The following ARPC2 variants were observed in gnomAD, a reference collection of about 807,000 sequenced individuals.
ARPC2 encodes actin related protein 2/3 complex subunit 2.
In ARPC2, 4 loss-of-function variants were observed where a neutral mutation model predicts 38.6. The observed-to-expected ratio is 0.10, with a 90% CI of 0.05 to 0.24. ARPC2 has a LOEUF of 0.24. ARPC2 is among the 10% of genes least tolerant of loss of function. ARPC2 has a pLI of 1.00. For missense variants in ARPC2, 229 were observed against 387.3 expected (o/e 0.59, Z 3.43); for synonymous variants, 125 against 140.8 (o/e 0.89, Z 0.79).
chr2:218,218,959 A>G (rs951844636), intron 2 of ARPC2, among the ~76,000 whole-genome samples: 2 of 152,202 alleles, frequency 1.3e-5, no homozygotes, highest in African/African-American at 2.4e-5. Context: ...TTAAATATTC[A>G]AATGAATCAG....
chr2:218,238,853 G>A lies in ARPC2; in HGVS notation c.455+3G>A. 1.2e-6 allele frequency: 2 copies of A among 1,607,834 alleles called. No individual in the cohort carries two copies. Among genetic ancestry groups the A allele is most frequent in the Non-Finnish European group, 1.7e-6 (2 of 1,175,352 alleles). Reference sequence around the variant, plus strand: ...CATTATAGGGATGATGAGACCATGTGAGTATAGAATTTGGTCCTGAAGCCT... The same window carrying A: ...CATTATAGGGATGATGAGACCATGTAAGTATAGAATTTGGTCCTGAAGCCT... On this transcript the variant is annotated splice_donor_region_variant and intron_variant, in intron 6 of 10. Transcript: ENST00000315717.
intron 4 of ARPC2, among the ~76,000 whole-genome samples, chr2:218,229,813 T>A (rs1284603739): frequency 6.6e-6 from 1 of 152,180 alleles, no homozygotes; most frequent in Non-Finnish European, 1.5e-5. Context: ...TTTAGAGGAT[T>A]TGGAATCCAG....
At chr2:218,249,565 G>T in intron 9 of ARPC2, 101 bp downstream of exon 9, 1 of 949,496 alleles carries the variant, frequency 1.1e-6, no homozygotes. Context: ...TGTGGATATT[G>T]ACTCTTAGGT....
At chr2:218,240,390 C>A (rs1222459408) in intron 7 of ARPC2, among the ~76,000 whole-genome samples, 1 of 152,192 alleles carries the variant, frequency 6.6e-6, no homozygotes, top group African/African-American at 2.4e-5. Flanking sequence ...TGTCAGGTTT[C>A]CTAACCCTAA....
intron 4 of ARPC2, among the ~76,000 whole-genome samples, chr2:218,232,345 A>G (rs1689654288): frequency 6.6e-6 from 1 of 152,210 alleles, no homozygotes; most frequent in Non-Finnish European, 1.5e-5. Flanking sequence ...ACAGAGAAAA[A>G]AATAGGGAGT....
chr2:218,225,584 A>G (rs1574576977), intron 2 of ARPC2, among the ~76,000 whole-genome samples: 1 of 152,230 alleles, frequency 6.6e-6, no homozygotes, highest in African/African-American at 2.4e-5. Flanking sequence ...GAAGGCATTG[A>G]CCAAAAGATG....
chr2:218,231,683 A>G (rs1339737113), intron 4 of ARPC2, among the ~76,000 whole-genome samples: 4 of 152,228 alleles, frequency 2.6e-5, no homozygotes, highest in Admixed American at 1.3e-4. Context: ...TGGCTGTGCA[A>G]TCACCAAATA....
At chr2:218,224,412 A>G (rs943024517) in intron 2 of ARPC2, among the ~76,000 whole-genome samples, 1 of 152,174 alleles carries the variant, frequency 6.6e-6, no homozygotes, top group African/African-American at 2.4e-5. Flanking sequence ...TTCCCCAGGA[A>G]AGTATGCTTC....
intron 2 of ARPC2, among the ~76,000 whole-genome samples, chr2:218,220,912 A>T (rs1436619699): frequency 6.6e-6 from 1 of 152,204 alleles, no homozygotes; most frequent in African/African-American, 2.4e-5. Context: ...CCCACAAACT[A>T]AGAGAATGTG....
intron 2 of ARPC2, among the ~76,000 whole-genome samples, chr2:218,223,420 T>A (rs1208786335): frequency 6.6e-6 from 1 of 151,182 alleles, no homozygotes; most frequent in Non-Finnish European, 1.5e-5. Context: ...ACAGGAGTAA[T>A]GATGCTGGCA....
At chr2:218,252,874 A>G (rs1034804114) in intron 10 of ARPC2, 4 of 456,262 alleles carry the variant, frequency 8.8e-6, no homozygotes, top group African/African-American at 4.0e-5. Flanking sequence ...AATCCTTAAA[A>G]TGAACAGACT....
intron 7 of ARPC2, among the ~76,000 whole-genome samples, chr2:218,242,754 T>A (rs1359917043): frequency 1.3e-5 from 2 of 152,252 alleles, no homozygotes; most frequent in African/African-American, 4.8e-5. Context: ...CATCTTTTCT[T>A]AATGTTATAG....
chr2:218,249,260 G>A, intron 8 of ARPC2, 104 bp from the exon 9 acceptor site: 1 of 751,184 alleles, frequency 1.3e-6, no homozygotes. Context: ...CAAGTGGAGT[G>A]TACTTAAGCA....
At chr2:218,234,652 C>G (rs907006208) in intron 5 of ARPC2, 2 of 527,544 alleles carry the variant, frequency 3.8e-6, no homozygotes, top group Admixed American at 3.2e-5. Flanking sequence ...ATGACTCTTA[C>G]TTAATCTTTC....
Position 218,217,266 on chromosome 2 carries a change from G to GGGTT in ARPC2, c.-9+15_-9+16insTGGT. The GGGTT allele has an allele frequency of 1.8e-6, 1 of 550,574 alleles. No homozygotes were observed. The highest frequency in any genetic ancestry group is 2.2e-5 in the South Asian group (1 of 45,532). 34.1% of individuals were successfully genotyped at this position (550,574 alleles called of 1,614,324 possible). On this transcript the variant is annotated intron_variant, in intron 1 of 10. Coordinates refer to ENST00000315717, the MANE Select transcript of ARPC2 (RefSeq NM_152862.3). ...GCTTCGGGGGCCAGGTCGGTTGGGT[G>GGGTT]GGTGGGTGTCTCCACAGTCTGCGTG...
At chr2:218,240,645 A>C (rs540191908) in intron 7 of ARPC2, among the ~76,000 whole-genome samples, 1 of 152,158 alleles carries the variant, frequency 6.6e-6, no homozygotes, top group East Asian at 1.9e-4. Flanking sequence ...TAATCCCAGC[A>C]CTGTGGGAGG....
chr2:218,246,370 TAAC>T (rs1378652286), intron 8 of ARPC2, among the ~76,000 whole-genome samples: 1 of 148,338 alleles, frequency 6.7e-6, no homozygotes, highest in Non-Finnish European at 1.5e-5. Flanking sequence ...ACCAAAAAAA[TAAC>T]AAAGAAATTA....
chr2:218,244,278 C>T lies in ARPC2; in HGVS notation c.550-1142C>T, dbSNP rs190865613. ...AGGCAGTTTGTGAAATAGGTGAGGTCCCAGGCTGGGCATTGGGGCTCCTCA... is the reference window on the plus strand; with the variant it reads ...AGGCAGTTTGTGAAATAGGTGAGGTTCCAGGCTGGGCATTGGGGCTCCTCA... On this transcript the variant is annotated intron_variant, in intron 7 of 10. Transcript: ENST00000315717. 2.3e-3 allele frequency among the ~76,000 whole-genome samples: 344 copies of T among 152,278 alleles called. 4 individuals carry two copies. The highest frequency in any genetic ancestry group is 3.7e-4 in the Non-Finnish European group (25 of 68,022).
chr2:218,240,057 C>T lies in ARPC2; in HGVS notation c.549+573C>T, dbSNP rs568184716. ...GCAACCTCCGCTTCCTGGGTTCAAGCAATTTTCCTGCCTCAGCCTCCCAAG... is the reference window on the plus strand; with the variant it reads ...GCAACCTCCGCTTCCTGGGTTCAAGTAATTTTCCTGCCTCAGCCTCCCAAG... On this transcript the variant is annotated intron_variant, in intron 7 of 10. Transcript: ENST00000315717. Among the ~76,000 whole-genome samples, 20 of 152,182 alleles carry T rather than the reference C, an allele frequency of 1.3e-4. No individual in the cohort carries two copies. In the South Asian group the frequency reaches 3.9e-3, roughly 30 times the overall value.
Sources: allele counts gnomAD v4.1 joint callset (sites outside exome capture counted in the v4.1 genomes callset), GRCh38; gene constraint gnomAD v4.1.1; transcripts MANE v1.5; gene names NCBI Gene and HGNC (gene_info 2026-07-23, HGNC 2026-07-21).